Variants in ITSN1 observed in about 807,000 individuals in gnomAD.
The protein encoded by ITSN1 is intersectin-1.
A neutral mutation model predicts 239.8 loss-of-function variants in ITSN1; 58 were observed. The observed-to-expected ratio is 0.24, with a 90% CI of 0.20 to 0.30. ITSN1 has a LOEUF of 0.30. Among genes scored for constraint, ITSN1 ranks in the 10% least tolerant of loss-of-function variants. The probability of loss-of-function intolerance (pLI) is 1.00; values close to 1 mark genes in which losing one functional copy is unlikely to be tolerated. For synonymous variants in ITSN1, 780 were observed against 770.8 expected (o/e 1.01, Z -0.20); for missense variants, 1,558 against 2,103.3 (o/e 0.74, Z 5.07).
chr21:33,676,656 T>C (rs915286232), intron 1 of ITSN1, among the ~76,000 whole-genome samples: 1 of 152,224 alleles, frequency 6.6e-6, no homozygotes, highest in African/African-American at 2.4e-5. Flanking sequence ...TATTGAATTA[T>C]TTTGGTTGCA....
At chr21:33,798,021 A>G (rs150827795) in intron 18 of ITSN1, among the ~76,000 whole-genome samples, 2 of 152,356 alleles carry the variant, frequency 1.3e-5, no homozygotes, top group Non-Finnish European at 2.9e-5. Context: ...TCTGCATTGC[A>G]TAAAACTGCT....
Position 33,864,014 on chromosome 21 carries a change from C to T in ITSN1, c.3891-1137C>T, listed in dbSNP as rs144610259. Among the ~76,000 whole-genome samples, 1,011 of 152,336 alleles carry T rather than the reference C, an allele frequency of 6.6e-3. 13 individuals are homozygous for T. Among genetic ancestry groups the T allele is most frequent in the African/African-American group, 0.023 (958 of 41,576 alleles). The stretch of plus-strand genomic sequence containing the variant: ...CATTTATGGTCCCTAAGTTTTTCTC[C>T]TTGGCTTGCCCGGTCCAAGGGACTT... On this transcript the variant is annotated intron_variant, in intron 31 of 39. Coordinates refer to ENST00000381318, the MANE Select transcript of ITSN1 (RefSeq NM_003024.3).
chr21:33,750,028 A>G (rs2147464638), intron 5 of ITSN1, 115 bp from the exon 6 acceptor site: 1 of 961,640 alleles, frequency 1.0e-6, no homozygotes, highest in Non-Finnish European at 1.6e-6. Context: ...CCCTATTTTA[A>G]TTGGAATATA....
At chr21:33,658,377 G>A (rs138983578) in intron 1 of ITSN1, among the ~76,000 whole-genome samples, 2 of 152,230 alleles carry the variant, frequency 1.3e-5, no homozygotes, top group African/African-American at 2.4e-5. Flanking sequence ...TATACAAACC[G>A]AGGTGGTATA....
Position 33,834,315 on chromosome 21 carries a change from G to A in ITSN1, c.3360G>A (p.Gly1120=). The A allele has an allele frequency of 1.2e-6, 2 of 1,613,364 alleles. No individual in the cohort carries two copies. Among genetic ancestry groups the A allele is most frequent in the East Asian group, 4.5e-5 (2 of 44,894 alleles). ...AATTATTTTCTTACTAGGCACGTGG[G>A]AAAAAGCGCCAGATAGGCTGGTTCC... ...GWWEGELQAR[G]KKRQIGWFPA... Residue 1120 remains glycine, a synonymous_variant, in exon 28 of 40, where the codon GGG becomes GGA. Coordinates refer to ENST00000381318, the MANE Select transcript of ITSN1 (RefSeq NM_003024.3).
chr21:33,845,229 C>T (rs1366890773), intron 29 of ITSN1, among the ~76,000 whole-genome samples: 1 of 139,366 alleles, frequency 7.2e-6, no homozygotes, highest in East Asian at 1.9e-4. Context: ...CCCGAGAAAG[C>T]TCTCTGAAGA....
intron 27 of ITSN1, among the ~76,000 whole-genome samples, chr21:33,833,182 C>T (rs1030041929): frequency 4.6e-5 from 7 of 152,030 alleles, no homozygotes; most frequent in Non-Finnish European, 2.9e-5. Context: ...ATAAACTCCC[C>T]GGGTTTATAG....
Position 33,813,952 on chromosome 21 carries a change from C to G in ITSN1, c.2607C>G (p.Asn869Lys). 1 of 1,613,954 alleles carries G rather than the reference C, an allele frequency of 6.2e-7. No individual in the cohort carries two copies. The highest frequency in any genetic ancestry group is 1.3e-5 in the African/African-American group (1 of 74,960). Residue 869 changes from asparagine to lysine, a missense_variant, in exon 22 of 40, where the codon AAC becomes AAG. By Grantham distance (94) the Asn-to-Lys change is moderately conservative (BLOSUM62 0). This residue lies in a region of ITSN1 where 982 missense variants were observed against 1,209.9 expected (regional missense o/e 0.81). Coordinates refer to ENST00000381318, the MANE Select transcript of ITSN1 (RefSeq NM_003024.3). The stretch of plus-strand genomic sequence containing the variant: ...CGAATGAGAAACCAGAAACGGATAA[C>G]TGGGATGCATGGGCAGCCCAGCCCT... ...TSTNEKPETD[N>K]WDAWAAQPSL...
At chr21:33,863,311 C>A (rs1190885323) in intron 31 of ITSN1, among the ~76,000 whole-genome samples, 1 of 152,228 alleles carries the variant, frequency 6.6e-6, no homozygotes, top group East Asian at 1.9e-4. Flanking sequence ...TGCAGATGCT[C>A]TTTCTTCTTT....
Position 33,885,229 on chromosome 21 carries a change from G to A in ITSN1, c.4759+106G>A, listed in dbSNP as rs1985593473. ...AGAAGAATCCCCTGGACCTAGAGGA[G>A]GGGCATGGAATGAGATGGAAGTGAG... On this transcript the variant is annotated intron_variant, in intron 37 of 39. Coordinates refer to ENST00000381318, the MANE Select transcript of ITSN1 (RefSeq NM_003024.3). The A allele has an allele frequency of 4.6e-6, 5 of 1,096,468 alleles. No individual in the cohort carries two copies. In the Admixed American group the frequency reaches 9.9e-5, roughly 22 times the overall value. The allele number at this position is 1,096,468 out of a possible 1,614,324, so 67.9% of individuals were successfully genotyped here.
At chr21:33,744,884 AC>A (rs1301126108) in intron 5 of ITSN1, among the ~76,000 whole-genome samples, 2 of 152,200 alleles carry the variant, frequency 1.3e-5, no homozygotes, top group African/African-American at 4.8e-5. Flanking sequence ...ATCCTAAGAA[AC>A]CAGTTCATTA....
chr21:33,844,414 T>C lies in ITSN1; in HGVS notation c.3661+7782T>C, dbSNP rs75628245. On this transcript the variant is annotated intron_variant, in intron 29 of 39. Coordinates refer to ENST00000381318, the MANE Select transcript of ITSN1 (RefSeq NM_003024.3). ...CCACAATAAACCTGTCACAAATGCA[T>C]TGAGTCACTGGGTCCTTTATTTCTC... Among the ~76,000 whole-genome samples, 1,037 of 152,328 alleles carry C rather than the reference T, an allele frequency of 6.8e-3. 17 individuals are homozygous for C. Among genetic ancestry groups the C allele is most frequent in the African/African-American group, 0.024 (997 of 41,572 alleles).
intron 1 of ITSN1, among the ~76,000 whole-genome samples, chr21:33,670,415 T>A (rs987278004): frequency 3.3e-5 from 5 of 152,074 alleles, no homozygotes; most frequent in African/African-American, 1.2e-4. Flanking sequence ...GATTTGGTTA[T>A]TAACTTATTT....
intron 22 of ITSN1, 27 bp from the exon 23 acceptor site, chr21:33,818,240 G>A (rs1472558375): frequency 6.3e-7 from 1 of 1,589,766 alleles, no homozygotes; most frequent in South Asian, 1.1e-5. Flanking sequence ...AACATAACGA[G>A]AGGTCCTTTA....
At chr21:33,653,764 C>G (rs944482605) in intron 1 of ITSN1, among the ~76,000 whole-genome samples, 4 of 152,012 alleles carry the variant, frequency 2.6e-5, no homozygotes, top group Middle Eastern at 6.3e-3. Flanking sequence ...CCTCGTGATC[C>G]GCCCGTCTCG....
chr21:33,875,271 TG>T, intron 33 of ITSN1, 82 bp from the exon 34 acceptor site: 1 of 1,503,856 alleles, frequency 6.6e-7, no homozygotes, highest in Non-Finnish European at 9.2e-7. Context: ...CCTGCCCCGC[TG>T]GGCCTGGTCC....
chr21:33,750,022 A>G, intron 5 of ITSN1, 121 bp from the exon 6 acceptor site: 1 of 927,796 alleles, frequency 1.1e-6, no homozygotes, highest in South Asian at 1.5e-5. Flanking sequence ...TTGAAGCCCT[A>G]TTTTAATTGG....
At chr21:33,864,353 A>G (rs1171622903) in intron 31 of ITSN1, among the ~76,000 whole-genome samples, 1 of 152,174 alleles carries the variant, frequency 6.6e-6, no homozygotes, top group African/African-American at 2.4e-5. Flanking sequence ...CTTACCGTGT[A>G]TAAGCTCAGT....
intron 16 of ITSN1, among the ~76,000 whole-genome samples, chr21:33,787,229 C>G (rs2070747247): frequency 6.6e-6 from 1 of 152,056 alleles, no homozygotes; most frequent in Non-Finnish European, 1.5e-5. Flanking sequence ...AGCTTGTCTG[C>G]AAAAATGTGA....
Sources: allele counts gnomAD v4.1 joint callset (sites outside exome capture counted in the v4.1 genomes callset), GRCh38; gene constraint gnomAD v4.1.1; regional missense constraint gnomAD v4.1.1; transcripts MANE v1.5; gene names NCBI Gene and HGNC (gene_info 2026-07-23, HGNC 2026-07-21).